The following MYMK variants were observed in gnomAD, a reference collection of about 807,000 sequenced individuals.
The protein encoded by MYMK is protein myomaker.
In MYMK, 16 loss-of-function variants were observed where a neutral mutation model predicts 22.4. The observed-to-expected ratio is 0.72, with a 90% CI of 0.48 to 1.09. MYMK has a LOEUF of 1.09. Ranked by LOEUF, MYMK falls within the 50% of genes least tolerant of loss-of-function variation. MYMK has a pLI of 0.00. For synonymous variants in MYMK, 125 were observed against 127.0 expected (o/e 0.98, Z 0.11); for missense variants, 250 against 295.6 (o/e 0.85, Z 1.13).
intron 2 of MYMK, 113 bp from the exon 3 acceptor site, chr9:133,519,135 TC>T: frequency 7.4e-7 from 1 of 1,342,868 alleles, no homozygotes; most frequent in Admixed American, 2.0e-5. Flanking sequence ...TCTCTCGGTG[TC>T]CCCTCAGCCA....
chr9:133,520,147 G>C (rs752952277), intron 2 of MYMK, 27 bp downstream of exon 2: 7 of 1,588,336 alleles, frequency 4.4e-6, no homozygotes, highest in Non-Finnish European at 6.1e-6. Context: ...TGTCCGCAAG[G>C]CTTGTCTGCA....
chr9:133,520,059 G>GT, intron 2 of MYMK, 115 bp downstream of exon 2: 1 of 734,718 alleles, frequency 1.4e-6, no homozygotes, highest in Non-Finnish European at 2.4e-6. Flanking sequence ...CATTCCTGGG[G>GT]CTGGGAGTGA....
chr9:133,515,408 G>T lies in MYMK; in HGVS notation c.516+83C>A. 1 of 960,346 alleles carries T rather than the reference G, an allele frequency of 1.0e-6. No homozygotes were observed. The highest frequency in any genetic ancestry group is 1.6e-6 in the Non-Finnish European group (1 of 610,130). The allele number at this position is 960,346 out of a possible 1,614,324, so 59.5% of individuals were successfully genotyped here. ...GGGCTGTCAGAGTCCCCCCAGCGTG[G>T]GCACAGCCCTGGTATCCCAGCTGAG... On this transcript the variant is annotated intron_variant, in intron 4 of 4. Coordinates refer to ENST00000339996, the MANE Select transcript of MYMK (RefSeq NM_001080483.3). The surrounding 1 kb of genome is among the most constrained non-coding windows in gnomAD (Gnocchi z 5.8).
Position 133,514,788 on chromosome 9 carries a change from G to A in MYMK, c.517-3C>T, listed in dbSNP as rs986191740. 1 of 1,613,176 alleles carries A rather than the reference G, an allele frequency of 6.2e-7. No individual in the cohort carries two copies. The highest frequency in any genetic ancestry group is 8.5e-7 in the Non-Finnish European group (1 of 1,179,382). The stretch of plus-strand genomic sequence containing the variant: ...TGGACATAAGTGTAGTCCCAGTCCT[G>A]CGGGGGGCAAGCGGTCAGTCTGGGG... On this transcript the variant is annotated splice_region_variant and splice_polypyrimidine_tract_variant and intron_variant, in intron 4 of 4. Transcript: ENST00000339996.
At chr9:133,524,017 T>C (rs1051344706) in intron 1 of MYMK, among the ~76,000 whole-genome samples, 1 of 150,762 alleles carries the variant, frequency 6.6e-6, no homozygotes, top group Admixed American at 6.6e-5. Flanking sequence ...ACAGATGGGG[T>C]TCTGGGCGCT....
In MYMK at chr9:133,514,672, C is replaced by T. The variant is rs1272118744; in HGVS notation, c.630G>A (p.Lys210=). The T allele has an allele frequency of 6.2e-7, 1 of 1,613,820 alleles. No individual in the cohort carries two copies. Among genetic ancestry groups the T allele is most frequent in the Non-Finnish European group, 8.5e-7 (1 of 1,179,828 alleles). Residue 210 remains lysine, a synonymous_variant, in exon 5 of 5, where the codon AAG becomes AAA. Coordinates refer to ENST00000339996, the MANE Select transcript of MYMK (RefSeq NM_001080483.3). ...KKAGSPGTPA[K]LDCSTLCCAC... ...CACAGCACAGGGTGGAGCAGTCCAGCTTGGCCGGGGTCCCCGGGGATCCAG... is the reference window on the plus strand; with the variant it reads ...CACAGCACAGGGTGGAGCAGTCCAGTTTGGCCGGGGTCCCCGGGGATCCAG...
intron 1 of MYMK, 27 bp from the exon 2 acceptor site, chr9:133,520,315 A>T (rs9802272): frequency 5.0e-6 from 8 of 1,601,150 alleles, no homozygotes; most frequent in Admixed American, 1.7e-5. Flanking sequence ...AGGTGGTCAC[A>T]GCACAAAGAG....
intron 1 of MYMK, among the ~76,000 whole-genome samples, 165 bp downstream of exon 1, chr9:133,524,545 C>T (rs1004350090): frequency 1.3e-5 from 2 of 152,154 alleles, no homozygotes; most frequent in Admixed American, 6.5e-5. Flanking sequence ...GGAAGGGACT[C>T]CCCTAGTCCT....
chr9:133,520,116 G>T, intron 2 of MYMK, 58 bp downstream of exon 2: 1 of 1,391,304 alleles, frequency 7.2e-7, no homozygotes, highest in South Asian at 1.2e-5. Flanking sequence ...CTGGGTGTGC[G>T]GACACTGGGG....
rs561257492 is a variant in MYMK, at chr9:133,523,265, T to C, written c.135+1445A>G. Among the ~76,000 whole-genome samples the C allele has an allele frequency of 1.3e-4, 20 of 152,358 alleles. No individual in the cohort carries two copies. In the South Asian group the frequency reaches 4.1e-3, roughly 32 times the overall value. On this transcript the variant is annotated intron_variant, in intron 1 of 4. Transcript: ENST00000339996. ...GTGTGAGCTCACGGGCCTCACCCGC[T>C]CAGGACTCCCTCTGTGCACTCACAT...
intron 2 of MYMK, 35 bp from the exon 3 acceptor site, chr9:133,519,057 T>C: frequency 6.2e-7 from 1 of 1,610,574 alleles, no homozygotes; most frequent in Non-Finnish European, 8.5e-7. Flanking sequence ...GGGAGGTGAG[T>C]GGTCTCTCTT....
chr9:133,524,885 G>T lies in MYMK; in HGVS notation c.-41C>A. On this transcript the variant is annotated 5_prime_UTR_variant, in exon 1 of 5. Coordinates refer to ENST00000339996, the MANE Select transcript of MYMK (RefSeq NM_001080483.3). ...CACTGGCTGGGGTGGGGAGGGTGCT[G>T]GTGTCCCAGGTCCCCAGCACAGGAG... 1.3e-6 allele frequency: 2 copies of T among 1,568,338 alleles called. No individual in the cohort carries two copies. Among genetic ancestry groups the T allele is most frequent in the Non-Finnish European group, 8.6e-7 (1 of 1,157,788 alleles).
chr9:133,519,541 C>G (rs1844672897), intron 2 of MYMK, among the ~76,000 whole-genome samples: 1 of 152,160 alleles, frequency 6.6e-6, no homozygotes, highest in Non-Finnish European at 1.5e-5. Context: ...GCCTGAGTGA[C>G]AGAGTGAGAC....
intron 3 of MYMK, among the ~76,000 whole-genome samples, 172 bp downstream of exon 3, chr9:133,518,702 A>G (rs1844660285): frequency 6.6e-6 from 1 of 152,240 alleles, no homozygotes; most frequent in Non-Finnish European, 1.5e-5. Context: ...CACAGTCTAC[A>G]CAGCCGGAGC....
chr9:133,520,068 G>A (rs1220881995), intron 2 of MYMK, 106 bp downstream of exon 2: 1 of 784,778 alleles, frequency 1.3e-6, no homozygotes, highest in African/African-American at 1.7e-5. Flanking sequence ...GGCTGGGAGT[G>A]AGTGGGGATA....
rs1040796057 is a variant in MYMK at position 133,515,839 on chromosome 9, A to G, written c.400-232T>C. ...AGCCTGGATGGCTGGGAAGGAAGCC[A>G]CTGGGCCATGTGCCCCACAAAGACC... On this transcript the variant is annotated intron_variant, in intron 3 of 4. Coordinates refer to ENST00000339996, the MANE Select transcript of MYMK (RefSeq NM_001080483.3). The surrounding 1 kb of genome is among the most constrained non-coding windows in gnomAD (Gnocchi z 5.8). Among the ~76,000 whole-genome samples, 1 of 152,112 alleles carries G rather than the reference A, an allele frequency of 6.6e-6. No individual in the cohort carries two copies. Among genetic ancestry groups the G allele is most frequent in the African/African-American group, 2.4e-5 (1 of 41,416 alleles).
chr9:133,523,130 C>T (rs1438570575), intron 1 of MYMK, among the ~76,000 whole-genome samples: 2 of 152,226 alleles, frequency 1.3e-5, no homozygotes, highest in East Asian at 3.8e-4. Flanking sequence ...GAGGGAATGC[C>T]TCGCTCCCAG....
chr9:133,516,141 G>A (rs1297284602), intron 3 of MYMK, among the ~76,000 whole-genome samples: 1 of 152,248 alleles, frequency 6.6e-6, no homozygotes, highest in African/African-American at 2.4e-5. Flanking sequence ...CCAGTGCTTA[G>A]GAAGGCTCGC....
intron 1 of MYMK, 35 bp downstream of exon 1, chr9:133,524,675 C>G (rs751759305): frequency 6.2e-7 from 1 of 1,613,920 alleles, no homozygotes; most frequent in African/African-American, 1.3e-5. Flanking sequence ...CAGGATGGGG[C>G]CTGTGTGGGA....
Sources: allele counts gnomAD v4.1 joint callset (sites outside exome capture counted in the v4.1 genomes callset), GRCh38; gene constraint gnomAD v4.1.1; non-coding constraint Gnocchi (gnomAD v3.1); transcripts MANE v1.5; gene names NCBI Gene and HGNC (gene_info 2026-07-23, HGNC 2026-07-21).